The following MYCBP2 variants were observed in gnomAD, a reference collection of about 807,000 sequenced individuals.
MYCBP2 encodes E3 ubiquitin-protein ligase MYCBP2.
A neutral mutation model predicts 525.3 loss-of-function variants in MYCBP2; 120 were observed. The observed-to-expected ratio is 0.23, with a 90% CI of 0.20 to 0.27. The LOEUF is 0.27. Among genes scored for constraint, MYCBP2 ranks in the 10% least tolerant of loss-of-function variants. MYCBP2 has a pLI of 1.00. For synonymous variants in MYCBP2, 1,894 were observed against 1,955.8 expected (o/e 0.97, Z 0.83); for missense variants, 4,149 against 5,657.1 (o/e 0.73, Z 8.55).
intron 2 of MYCBP2, among the ~76,000 whole-genome samples, chr13:77,289,733 G>A (rs374925672): frequency 6.6e-6 from 1 of 152,002 alleles, no homozygotes; most frequent in Non-Finnish European, 1.5e-5. Flanking sequence ...AAAAAGGCAA[G>A]AAGTATTTTC....
rs1040953170 is a variant in MYCBP2 at position 77,059,849 on chromosome 13, C to G, written c.13037-223G>C. ...ACCTATCTGAAGCCAAATACACTCT[C>G]GACTAATATTTTTTTTCAGTGAAAG... On this transcript the variant is annotated intron_variant, in intron 76 of 82. Coordinates refer to ENST00000544440, the MANE Select transcript of MYCBP2 (RefSeq NM_015057.5). Among the ~76,000 whole-genome samples the G allele has an allele frequency of 1.4e-4, 21 of 152,076 alleles. 1 individual carries two copies. The highest frequency in any genetic ancestry group is 8.8e-5 in the Non-Finnish European group (6 of 68,010).
intron 10 of MYCBP2, 71 bp downstream of exon 10, chr13:77,263,579 CA>C: frequency 7.5e-7 from 1 of 1,333,784 alleles, no homozygotes; most frequent in Non-Finnish European, 1.0e-6. Context: ...GGTGAAAACA[CA>C]ATGTTCATTT....
intron 55 of MYCBP2, chr13:77,103,273 A>C (rs1391392185): frequency 2.5e-6 from 1 of 397,704 alleles, no homozygotes; most frequent in Non-Finnish European, 4.4e-6. Context: ...AATTTTTGTA[A>C]ATGCGCTCAC....
At chr13:77,115,048 GAAAT>G (rs1214389267) in intron 55 of MYCBP2, among the ~76,000 whole-genome samples, 1 of 151,806 alleles carries the variant, frequency 6.6e-6, no homozygotes, top group Non-Finnish European at 1.5e-5. Flanking sequence ...CTAAGAGAAA[GAAAT>G]AAATTCTCTT....
At chr13:77,286,158 G>A (rs977593508) in intron 3 of MYCBP2, among the ~76,000 whole-genome samples, 12 of 152,154 alleles carry the variant, frequency 7.9e-5, no homozygotes, top group African/African-American at 2.2e-4. Context: ...CTTAGGAACA[G>A]CCACCATAAA....
At chr13:77,220,211 C>G (rs2065355556) in intron 20 of MYCBP2, among the ~76,000 whole-genome samples, 1 of 151,736 alleles carries the variant, frequency 6.6e-6, no homozygotes. Flanking sequence ...AATTAAGCAA[C>G]AGTCTTTAAC....
chr13:77,220,140 C>G (rs1288178053), intron 20 of MYCBP2, among the ~76,000 whole-genome samples: 1 of 151,950 alleles, frequency 6.6e-6, no homozygotes, highest in Non-Finnish European at 1.5e-5. Flanking sequence ...TTTATCATGT[C>G]CTAGCACCAC....
At chr13:77,087,336 TTATTAA>T in intron 62 of MYCBP2, 142 bp downstream of exon 62, 1 of 689,374 alleles carries the variant, frequency 1.5e-6, no homozygotes, top group South Asian at 2.0e-5. Context: ...CCAGGTCTCA[TTATTAA>T]TACTTTGCCC....
At chr13:77,219,904 G>C (rs913979431) in intron 20 of MYCBP2, among the ~76,000 whole-genome samples, 6 of 152,042 alleles carry the variant, frequency 3.9e-5, no homozygotes, top group African/African-American at 1.2e-4. Context: ...ATTTTTAAGT[G>C]TATATTCTTG....
Position 77,087,836 on chromosome 13 carries a change from A to AGT in MYCBP2, c.10726-205_10726-204dup, listed in dbSNP as rs1211783622. ...CGCTCTGTCACCCAGGTTGGAGTAC[A>AGT]GTGGTGTGATCATGGCTCACTGCAG... On this transcript the variant is annotated intron_variant, in intron 61 of 82. Transcript: ENST00000544440. The AGT allele has an allele frequency of 1.5e-5, 7 of 464,854 alleles. No homozygotes were observed. The East Asian group carries it at 2.6e-4, about 17-fold the overall frequency. 28.8% of individuals were successfully genotyped at this position (464,854 alleles called of 1,614,324 possible).
At chr13:77,124,714 TTGCTC>T (rs2051350876) in intron 54 of MYCBP2, among the ~76,000 whole-genome samples, 1 of 152,178 alleles carries the variant, frequency 6.6e-6, no homozygotes, top group African/African-American at 2.4e-5. Flanking sequence ...AAGAAATTCT[TTGCTC>T]TGTTGTGATC....
intron 1 of MYCBP2, among the ~76,000 whole-genome samples, chr13:77,304,714 T>A (rs981247691): frequency 2.0e-5 from 3 of 152,122 alleles, no homozygotes; most frequent in Admixed American, 2.0e-4. Context: ...CAAAATATCA[T>A]ATTATACCCC....
intron 68 of MYCBP2, among the ~76,000 whole-genome samples, chr13:77,074,640 T>C (rs1053752126): frequency 4.6e-5 from 7 of 152,070 alleles, no homozygotes; most frequent in African/African-American, 1.7e-4. Flanking sequence ...ATAAACAAAT[T>C]ACGGTAAATC....
At chr13:77,102,597 C>T (rs931983958) in intron 55 of MYCBP2, among the ~76,000 whole-genome samples, 5 of 151,226 alleles carry the variant, frequency 3.3e-5, no homozygotes, top group African/African-American at 1.2e-4. Flanking sequence ...GAAATTTTGT[C>T]AATTGTCAAT....
At chr13:77,144,685 G>C in intron 48 of MYCBP2, 125 bp from the exon 49 acceptor site, 1 of 696,998 alleles carries the variant, frequency 1.4e-6, no homozygotes, top group Non-Finnish European at 2.6e-6. Flanking sequence ...CCCTGCCATA[G>C]TACGCTTGCC....
chr13:77,270,583 T>G (rs761456841), intron 5 of MYCBP2, 45 bp from the exon 6 acceptor site: 2 of 1,525,608 alleles, frequency 1.3e-6, no homozygotes, highest in Admixed American at 4.0e-5. Flanking sequence ...TTTTTAAATG[T>G]TACAAACACA....
rs185543899 is a variant in MYCBP2 at position 77,046,378 on chromosome 13, T to C, written c.13922-885A>G. Reference sequence around the variant, plus strand: ...TTTCTACAGCTAGTTTTCAAAATAATAAATCTAAATTCTGATTGTGCTTGA... The same window carrying C: ...TTTCTACAGCTAGTTTTCAAAATAACAAATCTAAATTCTGATTGTGCTTGA... On this transcript the variant is annotated intron_variant, in intron 82 of 82. Coordinates refer to ENST00000544440, the MANE Select transcript of MYCBP2 (RefSeq NM_015057.5). Among the ~76,000 whole-genome samples the C allele has an allele frequency of 9.9e-5, 15 of 152,266 alleles. No homozygotes were observed. In the East Asian group the frequency reaches 2.7e-3, roughly 27 times the overall value.
In MYCBP2 at chr13:77,203,120, C is replaced by T. The variant is rs1487638877; in HGVS notation, c.3843+2136G>A. Among the ~76,000 whole-genome samples, 26 of 152,022 alleles carry T rather than the reference C, an allele frequency of 1.7e-4. No individual in the cohort carries two copies. In the East Asian group the frequency reaches 1.9e-3, roughly 11 times the overall value. ...AAGTCAAATTGTCCCTGTTTGCAGA[C>T]GACATGATTGTATATCTAGAAAACC... On this transcript the variant is annotated intron_variant, in intron 26 of 82. Transcript: ENST00000544440.
At chr13:77,225,315 A>G (rs2066105519) in intron 19 of MYCBP2, 120 bp downstream of exon 19, 1 of 1,305,446 alleles carries the variant, frequency 7.7e-7, no homozygotes, top group South Asian at 1.5e-5. Context: ...CAGATTTGAG[A>G]GACTGCCACG....
Sources: gnomAD v4.1 joint callset for allele counts (sites outside exome capture counted in the v4.1 genomes callset) on GRCh38, gnomAD v4.1.1 for gene constraint, MANE v1.5 for transcripts, NCBI Gene and HGNC (gene_info 2026-07-23, HGNC 2026-07-21) for gene names.